MAML3: variants seen among roughly 807,000 people sequenced by gnomAD.
MAML3 encodes mastermind like transcriptional coactivator 3.
A neutral mutation model predicts 101.9 loss-of-function variants in MAML3; 27 were observed. The observed-to-expected ratio is 0.27, with a 90% CI of 0.20 to 0.37. MAML3 has a LOEUF of 0.37. Ranked by LOEUF, MAML3 falls within the 10% of genes least tolerant of loss-of-function variation. The pLI is 1.00. For synonymous variants in MAML3, 501 were observed against 555.9 expected, an observed-to-expected ratio of 0.90 and a Z score of 1.39; for missense variants, 1,316 against 1,444.9, an observed-to-expected ratio of 0.91 and a Z score of 1.45.
At chr4:140,119,525 A>AT (rs1358219693) in intron 1 of MAML3, among the ~76,000 whole-genome samples, 2 of 152,100 alleles carry the variant, frequency 1.3e-5, no homozygotes, top group Admixed American at 6.6e-5. Context: ...CTGGAGAGAC[A>AT]TTTTGGGATA....
chr4:139,979,902 A>G (rs1734413757), intron 1 of MAML3, among the ~76,000 whole-genome samples: 1 of 152,200 alleles, frequency 6.6e-6, no homozygotes, highest in African/African-American at 2.4e-5. Flanking sequence ...GGACTAAGGC[A>G]GTGGTTCTCT....
At chr4:140,050,256 C>T (rs888976144) in intron 1 of MAML3, among the ~76,000 whole-genome samples, 1 of 152,148 alleles carries the variant, frequency 6.6e-6, no homozygotes, top group South Asian at 2.1e-4. Flanking sequence ...CCATCCCAAC[C>T]CACCCCACTG....
At chr4:140,000,446 C>T (rs1287965296) in intron 1 of MAML3, among the ~76,000 whole-genome samples, 3 of 152,234 alleles carry the variant, frequency 2.0e-5, no homozygotes, top group Non-Finnish European at 2.9e-5. Context: ...AAAATCAATA[C>T]TAGCTCCTTA....
At chr4:140,065,279 C>T (rs1727515680) in intron 1 of MAML3, among the ~76,000 whole-genome samples, 1 of 150,510 alleles carries the variant, frequency 6.6e-6, no homozygotes, top group Non-Finnish European at 1.5e-5. Flanking sequence ...TTTGGACTTA[C>T]GGTTTGCTTT....
At chr4:139,781,981 G>A (rs765832392) in intron 2 of MAML3, among the ~76,000 whole-genome samples, 32 of 152,146 alleles carry the variant, frequency 2.1e-4, no homozygotes, top group Non-Finnish European at 4.7e-4. Flanking sequence ...AGGGTTGCTG[G>A]ATACCACGGG....
rs563346721 is a variant in MAML3, at chr4:139,829,487, A to G, written c.2079+59870T>C. Among the ~76,000 whole-genome samples the G allele has an allele frequency of 7.0e-4, 107 of 152,340 alleles. 3 individuals carry two copies. In the South Asian group the frequency reaches 0.02, roughly 28 times the overall value. On this transcript the variant is annotated intron_variant, in intron 2 of 4. Coordinates refer to ENST00000509479, the MANE Select transcript of MAML3 (RefSeq NM_018717.5). ...TGAGGAAGGGGAAGGAGATGAAGCCAGGAGGCAGATGAGGAAGCTGAACAT... is the reference window on the plus strand; with the variant it reads ...TGAGGAAGGGGAAGGAGATGAAGCCGGGAGGCAGATGAGGAAGCTGAACAT...
chr4:139,799,219 A>G (rs1364500519), intron 2 of MAML3, among the ~76,000 whole-genome samples: 1 of 152,184 alleles, frequency 6.6e-6, no homozygotes, highest in Admixed American at 6.5e-5. Context: ...TTTTTTGTGA[A>G]GTACTACACA....
At chr4:139,845,557 G>A (rs2111149635) in intron 2 of MAML3, among the ~76,000 whole-genome samples, 1 of 152,242 alleles carries the variant, frequency 6.6e-6, no homozygotes, top group Non-Finnish European at 1.5e-5. Flanking sequence ...ATCTCACACG[G>A]TAAATGACAT....
intron 2 of MAML3, among the ~76,000 whole-genome samples, chr4:139,782,105 G>A (rs916086577): frequency 1.3e-5 from 2 of 152,134 alleles, no homozygotes; most frequent in African/African-American, 4.8e-5. Context: ...AAATCATGAC[G>A]AGTCAAATCA....
intron 1 of MAML3, among the ~76,000 whole-genome samples, chr4:140,044,678 T>C (rs1727150690): frequency 6.6e-6 from 1 of 152,148 alleles, no homozygotes; most frequent in Non-Finnish European, 1.5e-5. Flanking sequence ...GGAAGATCTA[T>C]ACAACGCCTC....
intron 1 of MAML3, among the ~76,000 whole-genome samples, chr4:139,897,955 T>C (rs979711955): frequency 6.6e-6 from 1 of 152,250 alleles, no homozygotes; most frequent in Non-Finnish European, 1.5e-5. Context: ...TCTCTCTTTC[T>C]GAGCCTTTGC....
rs558842243 is a variant in MAML3 at position 139,798,896 on chromosome 4, C to T, written c.2080-68229G>A. On this transcript the variant is annotated intron_variant, in intron 2 of 4. Coordinates refer to ENST00000509479, the MANE Select transcript of MAML3 (RefSeq NM_018717.5). ...TTTCTCATCCTGATGTCCTACCAGG[C>T]CCTTTCATGGCCTTTTCCCATTAAA... Among the ~76,000 whole-genome samples, 9 of 152,324 alleles carry T rather than the reference C, an allele frequency of 5.9e-5. No individual in the cohort carries two copies. In the South Asian group the frequency reaches 1.7e-3, roughly 28 times the overall value.
chr4:139,885,245 T>TA (rs773986857), intron 2 of MAML3, among the ~76,000 whole-genome samples: 100 of 145,568 alleles, frequency 6.9e-4, no homozygotes, highest in Middle Eastern at 3.5e-3. Context: ...TACTGAAAAT[T>TA]AAAAAAAAAA....
intron 1 of MAML3, among the ~76,000 whole-genome samples, chr4:139,956,131 C>T (rs1733911045): frequency 6.6e-6 from 1 of 152,280 alleles, no homozygotes; most frequent in East Asian, 1.9e-4. Flanking sequence ...AGACAAGTCA[C>T]TTAATCTTTC....
intron 1 of MAML3, among the ~76,000 whole-genome samples, chr4:140,087,373 G>A (rs1005328629): frequency 1.6e-4 from 24 of 152,232 alleles, no homozygotes; most frequent in African/African-American, 5.1e-4. Context: ...AGCAATATTT[G>A]CCTTGACATT....
At chr4:140,064,510 A>G (rs1490103047) in intron 1 of MAML3, among the ~76,000 whole-genome samples, 3 of 152,234 alleles carry the variant, frequency 2.0e-5, no homozygotes. Context: ...GTTGGGTTAG[A>G]GGGTGGCTTT....
chr4:140,122,374 C>G (rs948502213), intron 1 of MAML3, among the ~76,000 whole-genome samples: 10 of 151,984 alleles, frequency 6.6e-5, no homozygotes, highest in South Asian at 2.1e-4. Flanking sequence ...ACCTGAACCA[C>G]CACACCCAGC....
intron 2 of MAML3, among the ~76,000 whole-genome samples, chr4:139,875,764 G>A (rs1398927248): frequency 1.3e-5 from 2 of 152,106 alleles, no homozygotes; most frequent in Non-Finnish European, 2.9e-5. Flanking sequence ...CAGATCAGGT[G>A]AATTCTAACA....
chr4:139,968,432 C>T (rs1467943575), intron 1 of MAML3, among the ~76,000 whole-genome samples: 2 of 152,076 alleles, frequency 1.3e-5, no homozygotes, highest in African/African-American at 4.8e-5. Flanking sequence ...ACCCCCATTA[C>T]CTGGCTGCTT....
Sources: allele counts gnomAD v4.1 joint callset (sites outside exome capture counted in the v4.1 genomes callset), GRCh38; gene constraint gnomAD v4.1.1; transcripts MANE v1.5; gene names NCBI Gene and HGNC (gene_info 2026-07-23, HGNC 2026-07-21).